The following MYOCD variants were observed in gnomAD, a reference collection of about 807,000 sequenced individuals.
MYOCD encodes myocardin.
Under a neutral mutation model 96.1 loss-of-function variants are expected in MYOCD, and 32 were observed. That is an observed-to-expected ratio of 0.33 (90% CI 0.25 to 0.45). The LOEUF is 0.45. MYOCD is among the 20% of genes least tolerant of loss of function. The probability of loss-of-function intolerance (pLI) is 1.00; values close to 1 mark genes in which losing one functional copy is unlikely to be tolerated. For synonymous variants in MYOCD, 469 were observed against 469.0 expected (o/e 1.00, Z 0.00); for missense variants, 1,133 against 1,200.6 (o/e 0.94, Z 0.83).
At chr17:12,697,317 T>C (rs2030800107) in intron 1 of MYOCD, among the ~76,000 whole-genome samples, 1 of 147,432 alleles carries the variant, frequency 6.8e-6, no homozygotes, top group Non-Finnish European at 1.5e-5. Context: ...AATCTCATTC[T>C]TCTTTTCTGG....
chr17:12,754,312 C>A (rs1250491373), intron 10 of MYOCD, among the ~76,000 whole-genome samples: 1 of 152,188 alleles, frequency 6.6e-6, no homozygotes, highest in African/African-American at 2.4e-5. Flanking sequence ...CCATGTTGGC[C>A]AGGCTGGTCT....
At position 12,697,371 on chromosome 17, in the gene MYOCD, T is replaced by A. The variant is rs1386042158; in HGVS notation, c.56-7757T>A. Among the ~76,000 whole-genome samples, 1,075 of 129,184 alleles carry A rather than the reference T, an allele frequency of 8.3e-3. 4 individuals are homozygous for A. The highest frequency in any genetic ancestry group is 0.02 in the Middle Eastern group (5 of 254). 84.7% of individuals were successfully genotyped at this position (129,184 alleles called of 152,430 possible). On this transcript the variant is annotated intron_variant, in intron 1 of 13. Transcript: ENST00000425538. ...TATATATATATATATTTTTTTTTTT[T>A]TTTTTTTTTGAGACGGGGTCTCGCT... is the stretch of plus-strand genomic sequence containing the variant.
At chr17:12,762,760 C>G (rs2033216318) in intron 13 of MYOCD, 1 of 261,290 alleles carries the variant, frequency 3.8e-6, no homozygotes. Flanking sequence ...CCCTCATCTT[C>G]AGGCCCTCAC....
chr17:12,731,961 G>A (rs2032184968), intron 5 of MYOCD, among the ~76,000 whole-genome samples: 1 of 152,170 alleles, frequency 6.6e-6, no homozygotes, highest in Non-Finnish European at 1.5e-5. Flanking sequence ...CCAGTCACTT[G>A]TAGCCCTGAA....
chr17:12,743,529 G>C (rs953895914), intron 7 of MYOCD, among the ~76,000 whole-genome samples: 3 of 102,836 alleles, frequency 2.9e-5, no homozygotes, highest in African/African-American at 7.8e-5. Flanking sequence ...TTTCGCTCTT[G>C]TTGCCCAGGC....
intron 6 of MYOCD, among the ~76,000 whole-genome samples, chr17:12,737,327 G>A (rs913857631): frequency 1.1e-4 from 16 of 152,136 alleles, no homozygotes; most frequent in Non-Finnish European, 2.1e-4. Flanking sequence ...GCTCACTCTG[G>A]GCCAGGGGCA....
At chr17:12,741,471 G>A (rs2032505710) in intron 7 of MYOCD, among the ~76,000 whole-genome samples, 1 of 152,210 alleles carries the variant, frequency 6.6e-6, no homozygotes, top group Non-Finnish European at 1.5e-5. Flanking sequence ...ACTTTGGGAG[G>A]CCGAGGCGGG....
chr17:12,727,746 C>T (rs1028829012), intron 5 of MYOCD, among the ~76,000 whole-genome samples: 1 of 152,170 alleles, frequency 6.6e-6, no homozygotes, highest in Non-Finnish European at 1.5e-5. Context: ...CAGGGAAGGA[C>T]ATTTTTGACA....
At chr17:12,670,316 G>T (rs1909626920) in intron 1 of MYOCD, among the ~76,000 whole-genome samples, 1 of 152,138 alleles carries the variant, frequency 6.6e-6, no homozygotes, top group African/African-American at 2.4e-5. Flanking sequence ...TTCAGAGAGG[G>T]CAAGGGACAT....
chr17:12,681,306 T>G (rs567764770), intron 1 of MYOCD, among the ~76,000 whole-genome samples: 1 of 152,286 alleles, frequency 6.6e-6, no homozygotes, highest in African/African-American at 2.4e-5. Context: ...TCTTCCCTAT[T>G]CCTCTAGTGT....
intron 7 of MYOCD, among the ~76,000 whole-genome samples, 199 bp from the exon 8 acceptor site, chr17:12,743,984 G>A (rs2032586170): frequency 6.6e-6 from 1 of 152,194 alleles, no homozygotes. Flanking sequence ...TGTCCTTCCA[G>A]TGTGATACAT....
intron 5 of MYOCD, among the ~76,000 whole-genome samples, chr17:12,726,247 A>G (rs534226022): frequency 9.8e-5 from 15 of 152,302 alleles, no homozygotes; most frequent in Middle Eastern, 3.4e-3. Context: ...GGGAGCAGAT[A>G]ATAAATACTT....
chr17:12,667,737 T>A (rs1297458215), intron 1 of MYOCD, among the ~76,000 whole-genome samples: 1 of 152,164 alleles, frequency 6.6e-6, no homozygotes, highest in African/African-American at 2.4e-5. Context: ...TAAAGTGCAG[T>A]GGAGAGGGAA....
chr17:12,690,167 A>G (rs1485971536), intron 1 of MYOCD, among the ~76,000 whole-genome samples: 1 of 152,186 alleles, frequency 6.6e-6, no homozygotes, highest in East Asian at 1.9e-4. Flanking sequence ...TCCTAAGTCT[A>G]TAAGGAAAAA....
Position 12,715,516 on chromosome 17 carries a change from C to T in MYOCD, c.122-3C>T. 6.2e-7 allele frequency: 1 copy of T among 1,613,322 alleles called. No individual in the cohort carries two copies. Among genetic ancestry groups the T allele is most frequent in the Non-Finnish European group, 8.5e-7 (1 of 1,179,578 alleles). ...CACTCACGTTTTTGTGTTTCTGTTTCAGCACTGAAACGTCCAGCTGAATTC... is the reference window on the plus strand; with the variant it reads ...CACTCACGTTTTTGTGTTTCTGTTTTAGCACTGAAACGTCCAGCTGAATTC... On this transcript the variant is annotated splice_polypyrimidine_tract_variant and splice_region_variant and intron_variant, in intron 2 of 13. Transcript: ENST00000425538.
Position 12,666,118 on chromosome 17 carries a change from C to T in MYOCD, c.-71C>T, listed in dbSNP as rs868722788. ...GTTGTTAGCTGCGGTCAGCTGGGCT[C>T]CCGGGAGCCTGTTGCTGGTGGAGAA... On this transcript the variant is annotated 5_prime_UTR_variant, in exon 1 of 14. Transcript: ENST00000425538. 8.3e-7 allele frequency: 1 copy of T among 1,209,718 alleles called. No homozygotes were observed. The highest frequency in any genetic ancestry group is 1.2e-6 in the Non-Finnish European group (1 of 816,774). 74.9% of individuals were successfully genotyped at this position (1,209,718 alleles called of 1,614,324 possible).
At chr17:12,743,877 A>G (rs1032746424) in intron 7 of MYOCD, among the ~76,000 whole-genome samples, 1 of 152,132 alleles carries the variant, frequency 6.6e-6, no homozygotes, top group African/African-American at 2.4e-5. Flanking sequence ...AGGTTAGGAG[A>G]ATGCACTCAT....
intron 10 of MYOCD, among the ~76,000 whole-genome samples, chr17:12,754,061 G>GGTGTGTGTGTGTGTGTGTGTGTGTGT (rs71144923): frequency 6.7e-6 from 1 of 149,478 alleles, no homozygotes; most frequent in Non-Finnish European, 1.5e-5. Context: ...AAAGCAAAGA[G>GGTGTGTGTGTGTGTGTGTGTGTGTGT]GTGTGTGTGT....
At chr17:12,736,946 C>G (rs1229832254) in intron 6 of MYOCD, among the ~76,000 whole-genome samples, 1 of 152,174 alleles carries the variant, frequency 6.6e-6, no homozygotes. Flanking sequence ...TCTTAAAGCA[C>G]ATTTATAAAG....
Sources: gnomAD v4.1 joint callset for allele counts (sites outside exome capture counted in the v4.1 genomes callset) on GRCh38, gnomAD v4.1.1 for gene constraint, MANE v1.5 for transcripts, NCBI Gene and HGNC (gene_info 2026-07-23, HGNC 2026-07-21) for gene names.